Variants in IGFL2 observed in about 807,000 individuals in gnomAD.
The protein encoded by IGFL2 is IGF like family member 2, also known as insulin growth factor-like family member 2.
Under a neutral mutation model 13.9 loss-of-function variants are expected in IGFL2, and 7 were observed. That is an observed-to-expected ratio of 0.51 (90% CI 0.29 to 0.95). The LOEUF is 0.95. Ranked by LOEUF, IGFL2 falls within the 40% of genes least tolerant of loss-of-function variation. The pLI, the probability that IGFL2 is intolerant of heterozygous loss-of-function variation, is 0.08. For synonymous variants in IGFL2, 55 were observed against 55.8 expected (o/e 0.99, Z 0.07); for missense variants, 138 against 147.8 (o/e 0.93, Z 0.34).
chr19:46,185,345 C>T, the IGFL2 span, among the ~76,000 whole-genome samples: 4 of 152,220 alleles, frequency 2.6e-5, no homozygotes, highest in African/African-American at 9.6e-5. Context: ...TGGGCCATGC[C>T]TCCAGTCCAG....
the IGFL2 span, chr19:46,196,747 C>G: frequency 6.6e-6 from 1 of 152,646 alleles, no homozygotes; most frequent in African/African-American, 2.4e-5. Context: ...AGCCCTTCCT[C>G]GAGCTCCAGT....
chr19:46,105,939 GGTT>G, the IGFL2 span, among the ~76,000 whole-genome samples: 9 of 152,182 alleles, frequency 5.9e-5, no homozygotes, highest in East Asian at 1.2e-3. Context: ...CAGCTTTTAG[GGTT>G]GTTTTTTAAG....
chr19:46,099,444 T>TAA, the IGFL2 span, among the ~76,000 whole-genome samples: 6 of 152,204 alleles, frequency 3.9e-5, no homozygotes, highest in South Asian at 1.0e-3. Flanking sequence ...TCTCCCCATC[T>TAA]CTTTCATGTA....
chr19:46,092,441 G>A, the IGFL2 span, among the ~76,000 whole-genome samples: 5 of 152,138 alleles, frequency 3.3e-5, no homozygotes, highest in African/African-American at 1.2e-4. Context: ...GACCAGTCTG[G>A]TCAACATGGT....
chr19:46,146,481 C>T (rs1345930908), upstream of IGFL2, among the ~76,000 whole-genome samples: 1 of 152,066 alleles, frequency 6.6e-6, no homozygotes, highest in Non-Finnish European at 1.5e-5. Flanking sequence ...TATTTTGTTT[C>T]TCTCTCAGAC....
the IGFL2 span, among the ~76,000 whole-genome samples, chr19:46,194,587 C>T: frequency 2.0e-5 from 3 of 151,892 alleles, no homozygotes; most frequent in African/African-American, 2.4e-5. Flanking sequence ...TTTGGGAGGC[C>T]GGGGGAGGTG....
the IGFL2 span, chr19:46,200,683 T>TAA: frequency 1.4e-5 from 2 of 143,396 alleles, no homozygotes; most frequent in Non-Finnish European, 1.5e-5. Flanking sequence ...GCCCAGCTTT[T>TAA]AAAAAAAAAA....
At chr19:46,172,230 AG>A in the IGFL2 span, among the ~76,000 whole-genome samples, 1 of 152,166 alleles carries the variant, frequency 6.6e-6, no homozygotes, top group African/African-American at 2.4e-5. Flanking sequence ...CTGATTATCA[AG>A]GGGGGAATTG....
At chr19:46,095,788 A>G in the IGFL2 span, among the ~76,000 whole-genome samples, 2 of 152,136 alleles carry the variant, frequency 1.3e-5, no homozygotes, top group Admixed American at 1.3e-4. Context: ...TAAATAGGGA[A>G]TCCTTTCCCC....
At chr19:46,117,486 T>G in the IGFL2 span, among the ~76,000 whole-genome samples, 1 of 152,170 alleles carries the variant, frequency 6.6e-6, no homozygotes, top group Non-Finnish European at 1.5e-5. Context: ...GCTTGCTTGC[T>G]TGATTTTTTT....
chr19:46,208,417 G>C, the IGFL2 span: 1 of 152,188 alleles, frequency 6.6e-6, no homozygotes. Context: ...CCCTCTAGGA[G>C]GGATGGGAAT....
chr19:46,173,063 A>T, the IGFL2 span, among the ~76,000 whole-genome samples: 1 of 152,240 alleles, frequency 6.6e-6, no homozygotes, highest in Non-Finnish European at 1.5e-5. Flanking sequence ...CATAGAGAAG[A>T]TTAAAGGTCT....
chr19:46,086,081 G>T, the IGFL2 span, among the ~76,000 whole-genome samples: 80 of 151,842 alleles, frequency 5.3e-4, 2 homozygotes, highest in East Asian at 0.015. Context: ...TCTTTCTTCT[G>T]CTTGATATGG....
the IGFL2 span, among the ~76,000 whole-genome samples, chr19:46,193,429 G>A: frequency 6.6e-6 from 1 of 152,026 alleles, no homozygotes; most frequent in Non-Finnish European, 1.5e-5. Flanking sequence ...TTCTCAAGAG[G>A]GCTTTCTTTA....
the IGFL2 span, among the ~76,000 whole-genome samples, chr19:46,090,658 G>C: frequency 0.011 from 1,641 of 152,310 alleles, 29 homozygotes; most frequent in African/African-American, 0.037. Context: ...GGCTTCTGAG[G>C]CTGGCACAGA....
chr19:46,153,008 G>A (rs1028999399), intron 1 of IGFL2, among the ~76,000 whole-genome samples: 1 of 152,154 alleles, frequency 6.6e-6, no homozygotes, highest in African/African-American at 2.4e-5. Flanking sequence ...CTTTGCATCC[G>A]TGGGATAAAT....
At chr19:46,124,019 A>C in the IGFL2 span, 73 of 1,611,484 alleles carry the variant, frequency 4.5e-5, no homozygotes, top group Non-Finnish European at 5.9e-5. Context: ...CAGAAGGTGC[A>C]GGTGGAGCCA....
the IGFL2 span, among the ~76,000 whole-genome samples, chr19:46,091,537 C>T: frequency 6.6e-6 from 1 of 152,164 alleles, no homozygotes; most frequent in Non-Finnish European, 1.5e-5. Flanking sequence ...AGTTGTATTT[C>T]TGTTGCTGAG....
At chr19:46,176,628 G>C in the IGFL2 span, among the ~76,000 whole-genome samples, 2 of 152,000 alleles carry the variant, frequency 1.3e-5, no homozygotes, top group Non-Finnish European at 2.9e-5. Context: ...ACCTCAACTG[G>C]GAGCCATTTG....
Sources: gnomAD v4.1 joint callset for allele counts (sites outside exome capture counted in the v4.1 genomes callset) on GRCh38, gnomAD v4.1.1 for gene constraint, MANE v1.5 for transcripts, NCBI Gene and HGNC (gene_info 2026-07-23, HGNC 2026-07-21) for gene names.